The following RGS7 variants were observed in gnomAD, a reference collection of about 807,000 sequenced individuals.
RGS7 encodes regulator of G protein signaling 7, also known as regulator of G-protein signaling 7.
In RGS7, 27 loss-of-function variants were observed where a neutral mutation model predicts 81.1. The observed-to-expected ratio is 0.33, with a 90% CI of 0.25 to 0.46. RGS7 has a LOEUF of 0.46. Among genes scored for constraint, RGS7 ranks in the 20% least tolerant of loss-of-function variants. RGS7 has a pLI of 1.00. For synonymous variants in RGS7, 208 were observed against 207.7 expected (o/e 1.00, Z -0.01); for missense variants, 396 against 607.4 (o/e 0.65, Z 3.66).
At chr1:241,239,428 A>C (rs532493488) in intron 2 of RGS7, among the ~76,000 whole-genome samples, 1 of 152,216 alleles carries the variant, frequency 6.6e-6, no homozygotes, top group African/African-American at 2.4e-5. Flanking sequence ...AGTCTTTGTA[A>C]ATCACAAATC....
At chr1:240,901,902 C>A (rs1670074766) in intron 6 of RGS7, among the ~76,000 whole-genome samples, 1 of 152,174 alleles carries the variant, frequency 6.6e-6, no homozygotes, top group South Asian at 2.1e-4. Flanking sequence ...TATATTTTCT[C>A]TGATACACCT....
At chr1:241,095,525 G>A (rs929543505) in intron 3 of RGS7, among the ~76,000 whole-genome samples, 2 of 152,106 alleles carry the variant, frequency 1.3e-5, no homozygotes, top group African/African-American at 4.8e-5. Context: ...CATGGTGGCA[G>A]GTGCCTGTGG....
At chr1:241,031,497 T>C (rs2060083320) in intron 3 of RGS7, among the ~76,000 whole-genome samples, 1 of 152,188 alleles carries the variant, frequency 6.6e-6, no homozygotes, top group African/African-American at 2.4e-5. Flanking sequence ...ATGCTCAGTA[T>C]TGGGATTGCT....
At chr1:240,878,876 T>C (rs1379814336) in intron 6 of RGS7, among the ~76,000 whole-genome samples, 3 of 152,356 alleles carry the variant, frequency 2.0e-5, no homozygotes, top group East Asian at 1.9e-4. Flanking sequence ...GTAGCTCACA[T>C]TGATTAGTCA....
chr1:240,826,521 G>C (rs1305299693), intron 10 of RGS7, among the ~76,000 whole-genome samples: 4 of 152,206 alleles, frequency 2.6e-5, no homozygotes, highest in Non-Finnish European at 5.9e-5. Context: ...CTACAGGCCA[G>C]AAATTCTTGT....
At chr1:241,229,169 C>T (rs1015819755) in intron 2 of RGS7, among the ~76,000 whole-genome samples, 7 of 152,078 alleles carry the variant, frequency 4.6e-5, no homozygotes, top group Non-Finnish European at 1.0e-4. Context: ...TATAATTCTC[C>T]TCTGCTTCCC....
chr1:241,061,936 T>C (rs993329599), intron 3 of RGS7, among the ~76,000 whole-genome samples: 2 of 152,244 alleles, frequency 1.3e-5, no homozygotes, highest in African/African-American at 4.8e-5. Flanking sequence ...TGCTTGGTCG[T>C]ATCTCAACAC....
At chr1:241,098,828 C>A in intron 2 of RGS7, 66 bp from the exon 3 acceptor site, 1 of 1,187,008 alleles carries the variant, frequency 8.4e-7, no homozygotes, top group South Asian at 1.3e-5. Context: ...AATCAGCTCT[C>A]ATAACAATTT....
chr1:241,078,228 T>A (rs548533422), intron 3 of RGS7, among the ~76,000 whole-genome samples: 1 of 148,588 alleles, frequency 6.7e-6, no homozygotes, highest in Admixed American at 6.8e-5. Flanking sequence ...GCACTGACCA[T>A]GGAAATATAG....
At chr1:241,136,226 A>G (rs577377548) in intron 2 of RGS7, among the ~76,000 whole-genome samples, 62 of 152,344 alleles carry the variant, frequency 4.1e-4, no homozygotes, top group Admixed American at 1.1e-3. Context: ...GACAGTCTGC[A>G]GTGTCAGACA....
At position 240,816,390 on chromosome 1, in the gene RGS7, A is replaced by G. The variant is rs1392136424; in HGVS notation, c.710T>C (p.Ile237Thr). 2 of 1,607,720 alleles carry G rather than the reference A, an allele frequency of 1.2e-6. No homozygotes were observed. Among genetic ancestry groups the G allele is most frequent in the Admixed American group, 3.3e-5 (2 of 59,980 alleles). Residue 237 changes from isoleucine to threonine, a missense_variant, in exon 11 of 19, where the codon ATT becomes ACT. By Grantham distance (89) the Ile-to-Thr change is moderately conservative. Coordinates refer to ENST00000440928, the MANE Select transcript of RGS7 (RefSeq NM_001364886.1). The stretch of plus-strand genomic sequence containing the variant: ...TGTGTGGGTAGGACTGTGACTTCTA[A>G]TATCATTTTGTAAACCATAGACAGA... ...RKSVYGLQND[I>T]RSHSPTHTPT...
chr1:241,237,726 C>G (rs2148115113), intron 2 of RGS7, among the ~76,000 whole-genome samples: 1 of 152,268 alleles, frequency 6.6e-6, no homozygotes, highest in Middle Eastern at 3.4e-3. Context: ...CCGCCTGTAC[C>G]TGGTTTATGC....
chr1:240,873,187 G>A (rs892924375), intron 6 of RGS7, among the ~76,000 whole-genome samples: 1 of 152,068 alleles, frequency 6.6e-6, no homozygotes, highest in East Asian at 1.9e-4. Context: ...ATGGTGCTAG[G>A]TATAGACCTA....
chr1:241,210,011 T>C (rs2147917756), intron 2 of RGS7, among the ~76,000 whole-genome samples: 1 of 152,228 alleles, frequency 6.6e-6, no homozygotes, highest in Admixed American at 6.5e-5. Flanking sequence ...AAAGTATTAA[T>C]GTGATCTTAG....
chr1:240,848,818 C>A (rs974339217), intron 9 of RGS7, among the ~76,000 whole-genome samples: 10 of 152,084 alleles, frequency 6.6e-5, no homozygotes, highest in Admixed American at 2.0e-4. Flanking sequence ...AAAAAGGGTT[C>A]TTTTCTGGTG....
intron 3 of RGS7, among the ~76,000 whole-genome samples, chr1:241,009,520 T>A (rs1325205692): frequency 6.6e-6 from 1 of 152,188 alleles, no homozygotes; most frequent in Non-Finnish European, 1.5e-5. Flanking sequence ...GTCCTTTGGG[T>A]CCCTGTGGTG....
chr1:240,902,558 C>T (rs1423764479), intron 6 of RGS7, among the ~76,000 whole-genome samples: 1 of 152,058 alleles, frequency 6.6e-6, no homozygotes, highest in Non-Finnish European at 1.5e-5. Context: ...GATGCTGTCC[C>T]TTCTATTCAA....
chr1:241,071,946 AATTTT>A (rs1024873041), intron 3 of RGS7, among the ~76,000 whole-genome samples: 7 of 150,202 alleles, frequency 4.7e-5, no homozygotes, highest in African/African-American at 9.8e-5. Context: ...TGTTAATTAG[AATTTT>A]ATTTTGTCTT....
At chr1:240,953,613 C>G (rs1352079107) in intron 4 of RGS7, among the ~76,000 whole-genome samples, 1 of 151,872 alleles carries the variant, frequency 6.6e-6, no homozygotes, top group East Asian at 1.9e-4. Flanking sequence ...GAATTCATAT[C>G]ATTATTAAGC....
Sources: gnomAD v4.1 joint callset for allele counts (sites outside exome capture counted in the v4.1 genomes callset) on GRCh38, gnomAD v4.1.1 for gene constraint, MANE v1.5 for transcripts, NCBI Gene and HGNC (gene_info 2026-07-23, HGNC 2026-07-21) for gene names.